Variants in ANKRD31 observed in about 807,000 individuals in gnomAD.
ANKRD31 encodes ankyrin repeat domain-containing protein 31.
Under a neutral mutation model 186.0 loss-of-function variants are expected in ANKRD31, and 147 were observed. That is an observed-to-expected ratio of 0.79 (90% CI 0.69 to 0.91). The LOEUF (loss-of-function observed/expected upper bound fraction) is 0.91, where lower values mean the gene tolerates loss of function less well. ANKRD31 is among the 40% of genes least tolerant of loss of function. The pLI is 0.00. For missense variants in ANKRD31, 1,986 were observed against 2,148.8 expected (o/e 0.92, Z 1.50); for synonymous variants, 673 against 736.4 (o/e 0.91, Z 1.39).
At chr5:75,099,675 C>G (rs1004334741) in intron 22 of ANKRD31, among the ~76,000 whole-genome samples, 2 of 152,034 alleles carry the variant, frequency 1.3e-5, no homozygotes, top group African/African-American at 2.4e-5. Flanking sequence ...TGTATGTGTC[C>G]AGGAATTTAT....
At chr5:75,217,523 T>C (rs938039025) in intron 3 of ANKRD31, among the ~76,000 whole-genome samples, 1 of 152,206 alleles carries the variant, frequency 6.6e-6, no homozygotes, top group African/African-American at 2.4e-5. Flanking sequence ...CCCCTCTTTG[T>C]CTTTTTTGAT....
chr5:75,084,184 GA>G, intron 24 of ANKRD31, 87 bp downstream of exon 24: 1 of 982,090 alleles, frequency 1.0e-6, no homozygotes, highest in South Asian at 1.5e-5. Flanking sequence ...ACATCAATGA[GA>G]AAAAAGACAA....
At chr5:75,137,742 A>T (rs1234001040) in intron 17 of ANKRD31, 114 bp downstream of exon 17, 31 of 1,036,276 alleles carry the variant, frequency 3.0e-5, no homozygotes, top group Admixed American at 1.9e-4. Context: ...AGCAGGTTTT[A>T]AAAAAATCAC....
At chr5:75,217,209 G>T (rs1305687331) in intron 3 of ANKRD31, among the ~76,000 whole-genome samples, 2 of 152,116 alleles carry the variant, frequency 1.3e-5, no homozygotes, top group African/African-American at 2.4e-5. Context: ...GTTGTCTTCG[G>T]GTGGAGAGTC....
chr5:75,197,615 G>T (rs1755554747), intron 6 of ANKRD31, among the ~76,000 whole-genome samples: 1 of 152,140 alleles, frequency 6.6e-6, no homozygotes, highest in South Asian at 2.1e-4. Flanking sequence ...AAAGGAATAT[G>T]CAAGAAATTC....
intron 24 of ANKRD31, among the ~76,000 whole-genome samples, chr5:75,083,238 T>C (rs1447285638): frequency 6.6e-6 from 1 of 152,220 alleles, no homozygotes; most frequent in Non-Finnish European, 1.5e-5. Context: ...TGTGGAATTT[T>C]CCACTTGTAC....
intron 25 of ANKRD31, among the ~76,000 whole-genome samples, chr5:75,071,035 T>A (rs1454219312): frequency 6.6e-6 from 1 of 152,196 alleles, no homozygotes; most frequent in Non-Finnish European, 1.5e-5. Flanking sequence ...GTTCCAAAAC[T>A]GTATTCCTTA....
At chr5:75,092,832 A>G (rs1037464082) in intron 22 of ANKRD31, among the ~76,000 whole-genome samples, 2 of 152,220 alleles carry the variant, frequency 1.3e-5, no homozygotes, top group African/African-American at 4.8e-5. Flanking sequence ...CAAGGAACTA[A>G]AGAAAACCAT....
At chr5:75,115,577 C>A (rs1316917404) in intron 19 of ANKRD31, among the ~76,000 whole-genome samples, 2 of 151,390 alleles carry the variant, frequency 1.3e-5, no homozygotes, top group East Asian at 1.9e-4. Context: ...AAACAAACAA[C>A]CCCATCAAAA....
At chr5:75,081,718 CAGAGAG>C (rs893724861) in intron 24 of ANKRD31, among the ~76,000 whole-genome samples, 2 of 136,400 alleles carry the variant, frequency 1.5e-5, no homozygotes, top group African/African-American at 5.7e-5. Flanking sequence ...GAGAGAGAGA[CAGAGAG>C]AGAGAGAGAG....
chr5:75,165,671 CA>C (rs1437627220), intron 11 of ANKRD31, among the ~76,000 whole-genome samples: 2 of 151,828 alleles, frequency 1.3e-5, no homozygotes, highest in Admixed American at 1.3e-4. Flanking sequence ...TAACAATTTA[CA>C]GAAAATATGT....
At chr5:75,086,683 G>T (rs1022619142) in intron 23 of ANKRD31, among the ~76,000 whole-genome samples, 1 of 152,210 alleles carries the variant, frequency 6.6e-6, no homozygotes, top group African/African-American at 2.4e-5. Context: ...CATGTTCGGT[G>T]AGGATATCTG....
intron 12 of ANKRD31, among the ~76,000 whole-genome samples, chr5:75,150,818 A>G (rs971413230): frequency 2.0e-5 from 3 of 152,048 alleles, no homozygotes; most frequent in African/African-American, 4.8e-5. Flanking sequence ...ATTTAAAAAT[A>G]TACTTTTGCC....
intron 16 of ANKRD31, 26 bp downstream of exon 16, chr5:75,138,820 G>A: frequency 6.5e-7 from 1 of 1,530,822 alleles, no homozygotes; most frequent in Non-Finnish European, 8.7e-7. Flanking sequence ...AAATTATAAA[G>A]GTAATTAAAT....
chr5:75,169,024 G>A lies in ANKRD31; in HGVS notation c.1662C>T (p.Tyr554=), dbSNP rs1753127432. 6.5e-7 allele frequency: 1 copy of A among 1,536,452 alleles called. No homozygotes were observed. The highest frequency in any genetic ancestry group is 8.7e-7 in the Non-Finnish European group (1 of 1,146,338). ...CTGCATCATGTAGGGGAGTAATCTG[G>A]TATAATCCTTTGATATTTACATCTG... ...GGADVNIKGL[Y]QITPLHDAVM... is the part of the protein sequence containing the mutation. The change falls in exon 11 of 26, where the codon TAC becomes TAT. Residue 554 remains tyrosine (Y), a synonymous_variant. Coordinates refer to ENST00000506364, the MANE Select transcript of ANKRD31 (RefSeq NM_001372053.1).
At chr5:75,179,533 A>T (rs559467651) in intron 10 of ANKRD31, among the ~76,000 whole-genome samples, 1 of 152,342 alleles carries the variant, frequency 6.6e-6, no homozygotes, top group South Asian at 2.1e-4. Context: ...AAGTTTATCC[A>T]CTATGATCAA....
Position 75,188,571 on chromosome 5 carries a change from C to G in ANKRD31, c.1486G>C (p.Ala496Pro), listed in dbSNP as rs1393228046. ...AGATCAGCATCATCGTGTAGAGCAG[C>G]CTTATATACTAAGTTCTCTCCAAAA... ...NIFGENLVYK[A>P]ALHDDADLVH... The change falls in exon 10 of 26, where the codon GCT (alanine) becomes CCT (proline). Residue 496 changes from alanine to proline, a missense_variant. Transcript: ENST00000506364. The G allele has an allele frequency of 9.8e-6, 15 of 1,535,946 alleles. No homozygotes were observed. The highest frequency in any genetic ancestry group is 1.7e-4 in the Middle Eastern group (1 of 5,964).
At position 75,104,336 on chromosome 5, in the gene ANKRD31, C is replaced by T; in HGVS notation, c.5223G>A (p.Lys1741=). The change falls in exon 22 of 26, where the codon AAG becomes AAA. Residue 1741 remains lysine, a synonymous_variant. Coordinates refer to ENST00000506364, the MANE Select transcript of ANKRD31 (RefSeq NM_001372053.1). ...TAGGAGCTGTACTGTAGTTTAAAGCCTTTTTTATTGTATCTTGTTGCCCAG... is the reference window on the plus strand; with the variant it reads ...TAGGAGCTGTACTGTAGTTTAAAGCTTTTTTTATTGTATCTTGTTGCCCAG... The part of the protein sequence containing the change: ...SGSGQQDTIK[K]ALNYSTAPKK... 6.5e-7 allele frequency: 1 copy of T among 1,537,008 alleles called. No homozygotes were observed. Among genetic ancestry groups the T allele is most frequent in the South Asian group, 1.2e-5 (1 of 84,048 alleles).
intron 22 of ANKRD31, among the ~76,000 whole-genome samples, chr5:75,100,227 G>A (rs928532880): frequency 6.6e-6 from 1 of 152,168 alleles, no homozygotes; most frequent in African/African-American, 2.4e-5. Flanking sequence ...ATGTATTTGA[G>A]CGGTTTTGAG....
Sources: allele counts gnomAD v4.1 joint callset (sites outside exome capture counted in the v4.1 genomes callset), GRCh38; gene constraint gnomAD v4.1.1; transcripts MANE v1.5; gene names NCBI Gene and HGNC (gene_info 2026-07-23, HGNC 2026-07-21).